Variants in RSBN1L observed in about 807,000 individuals in gnomAD.
RSBN1L encodes lysine-specific demethylase RSBN1L.
Under a neutral mutation model 67.7 loss-of-function variants are expected in RSBN1L, and 30 were observed. The observed-to-expected ratio is 0.44, with a 90% confidence interval of 0.33 to 0.60. The LOEUF (loss-of-function observed/expected upper bound fraction) is 0.60. Among genes scored for constraint, RSBN1L ranks in the 20% least tolerant of loss-of-function variants. The pLI is 0.02. For synonymous variants in RSBN1L, 433 were observed against 387.0 expected (o/e 1.12, Z -1.39); for missense variants, 992 against 1,031.7 (o/e 0.96, Z 0.53).
intron 6 of RSBN1L, among the ~76,000 whole-genome samples, chr7:77,774,754 A>C (rs1260561837): frequency 6.6e-6 from 1 of 152,190 alleles, no homozygotes; most frequent in African/African-American, 2.4e-5. Context: ...CAACAACAAC[A>C]AAAAAAGATA....
At chr7:77,757,548 A>G (rs1339391450) in intron 3 of RSBN1L, among the ~76,000 whole-genome samples, 4 of 152,240 alleles carry the variant, frequency 2.6e-5, no homozygotes. Flanking sequence ...AAATGTATAA[A>G]CAAAAGCCTC....
chr7:77,724,460 C>T (rs1483081075), intron 1 of RSBN1L, among the ~76,000 whole-genome samples: 7 of 144,820 alleles, frequency 4.8e-5, no homozygotes, highest in Admixed American at 7.0e-5. Context: ...GAGTCTCACT[C>T]TGTTGTCCAG....
chr7:77,773,339 A>G (rs764656082), intron 6 of RSBN1L, 25 bp downstream of exon 6: 6 of 1,401,106 alleles, frequency 4.3e-6, no homozygotes, highest in Non-Finnish European at 5.7e-6. Context: ...CGCTATTTTA[A>G]TGAAAGAATT....
rs1315059945 is a variant in RSBN1L at position 77,696,814 on chromosome 7, A to C, written c.345A>C (p.Ser115=). 7 of 1,613,422 alleles carry C rather than the reference A, an allele frequency of 4.3e-6. No individual in the cohort carries two copies. The African/African-American group carries it at 9.3e-5, about 22-fold the overall frequency. ...CCGCTGGCACGGCCGTTCCCTCCTC[A>C]GCCTCCGCTTCCTTGTCTCAGCCGG... ...SFSAGTAVPS[S]ASASLSQPVP... is the part of the protein sequence containing the mutation. The change falls in exon 1 of 8, where the codon TCA becomes TCC. Residue 115 remains serine, a synonymous_variant. Coordinates refer to ENST00000334955, the MANE Select transcript of RSBN1L (RefSeq NM_198467.3).
Position 77,749,924 on chromosome 7 carries a change from G to T in RSBN1L, c.1204G>T (p.Gly402Cys). Residue 402 changes from glycine (G) to cysteine (C), a missense_variant, in exon 3 of 8, where the codon GGT (glycine) becomes TGT (cysteine). Gly to Cys is a radical substitution (Grantham distance 159). Coordinates refer to ENST00000334955, the MANE Select transcript of RSBN1L (RefSeq NM_198467.3). ...AAACTCTGCAGCTTTCTACGTGATGGGTATTGTTCATGGGGCAGCTACTTA... is the reference window on the plus strand; with the variant it reads ...AAACTCTGCAGCTTTCTACGTGATGTGTATTGTTCATGGGGCAGCTACTTA... ...NENSAAFYVM[G>C]IVHGAATYLP... is the part of the protein sequence containing the mutation. 6.2e-7 allele frequency: 1 copy of T among 1,614,076 alleles called. No homozygotes were observed. Among genetic ancestry groups the T allele is most frequent in the South Asian group, 1.1e-5 (1 of 91,058 alleles).
At position 77,773,262 on chromosome 7, in the gene RSBN1L, C is replaced by T. The variant is rs1584305650; in HGVS notation, c.1741C>T (p.Arg581Ter). Reference sequence around the variant, plus strand: ...AGATCATATAGGACAAGGTTTTGAACGACAGACTACAGCTGCTGTTGGAGT... The same window carrying T: ...AGATCATATAGGACAAGGTTTTGAATGACAGACTACAGCTGCTGTTGGAGT... ...HADHIGQGFE[R>*]QTTAAVGVLK... is the part of the protein sequence containing the mutation. Residue 581 changes from arginine (R) to a stop codon, truncating the protein, a stop_gained, in exon 6 of 8, where the codon CGA becomes TGA. Transcript: ENST00000334955. LOFTEE classifies it high-confidence loss of function. 3.7e-6 allele frequency: 6 copies of T among 1,611,516 alleles called. No homozygotes were observed. The highest frequency in any genetic ancestry group is 4.2e-6 in the Non-Finnish European group (5 of 1,178,756).
intron 1 of RSBN1L, among the ~76,000 whole-genome samples, chr7:77,714,265 G>C (rs1047709138): frequency 6.6e-6 from 1 of 152,062 alleles, no homozygotes; most frequent in Admixed American, 6.6e-5. Context: ...CCCTTTTTAG[G>C]TATATAGTTT....
chr7:77,698,417 C>G (rs1479293154), intron 1 of RSBN1L, among the ~76,000 whole-genome samples: 1 of 152,174 alleles, frequency 6.6e-6, no homozygotes, highest in African/African-American at 2.4e-5. Flanking sequence ...GAAGTTTGTC[C>G]ATATGCAGCT....
intron 1 of RSBN1L, among the ~76,000 whole-genome samples, chr7:77,699,458 T>C (rs1009832550): frequency 9.2e-5 from 14 of 152,232 alleles, no homozygotes; most frequent in African/African-American, 3.4e-4. Context: ...AGAACGTATT[T>C]GGGTTAAATG....
At chr7:77,764,121 TA>T (rs1334398414) in intron 3 of RSBN1L, among the ~76,000 whole-genome samples, 2 of 152,212 alleles carry the variant, frequency 1.3e-5, no homozygotes, top group African/African-American at 4.8e-5. Flanking sequence ...TGTGATGTGA[TA>T]AAAGTTGACC....
At chr7:77,729,463 GT>G (rs1791247317) in intron 1 of RSBN1L, among the ~76,000 whole-genome samples, 1 of 152,198 alleles carries the variant, frequency 6.6e-6, no homozygotes, top group Admixed American at 6.5e-5. Context: ...CAAAGTGGTA[GT>G]TACAATAAGA....
At chr7:77,743,118 T>A (rs1015863464) in intron 2 of RSBN1L, among the ~76,000 whole-genome samples, 1 of 152,068 alleles carries the variant, frequency 6.6e-6, no homozygotes, top group Non-Finnish European at 1.5e-5. Flanking sequence ...AGTGGTGTGA[T>A]CACAGGCCAC....
chr7:77,747,456 A>AT (rs1052429304), intron 2 of RSBN1L, among the ~76,000 whole-genome samples: 4 of 152,052 alleles, frequency 2.6e-5, no homozygotes, highest in Non-Finnish European at 4.4e-5. Flanking sequence ...CAGCCTCAGG[A>AT]TACTGCTCCC....
chr7:77,774,125 T>C (rs1791881288), intron 6 of RSBN1L, among the ~76,000 whole-genome samples: 1 of 152,250 alleles, frequency 6.6e-6, no homozygotes, highest in Non-Finnish European at 1.5e-5. Context: ...CTTTGTTATG[T>C]ATTTGCTTTT....
chr7:77,716,054 A>C (rs1791044234), intron 1 of RSBN1L, among the ~76,000 whole-genome samples: 2 of 152,092 alleles, frequency 1.3e-5, no homozygotes, highest in African/African-American at 4.8e-5. Context: ...TCTTTCTCTT[A>C]ATACTTTCAC....
intron 1 of RSBN1L, chr7:77,697,390 G>A (rs978340077): frequency 4.1e-6 from 1 of 245,472 alleles, no homozygotes; most frequent in Admixed American, 5.6e-5. Context: ...ACGGGATGGG[G>A]GAAGGGTTTG....
chr7:77,723,062 G>A (rs1478636101), intron 1 of RSBN1L, among the ~76,000 whole-genome samples: 6 of 151,174 alleles, frequency 4.0e-5, no homozygotes. Flanking sequence ...CCGCCTCCTG[G>A]TTCAATCGGT....
chr7:77,779,284 G>A lies in RSBN1L; in HGVS notation c.*116G>A. On this transcript the variant is annotated 3_prime_UTR_variant, in exon 8 of 8. Coordinates refer to ENST00000334955, the MANE Select transcript of RSBN1L (RefSeq NM_198467.3). ...ATGTCTGTTACAAAACATAGTTTAT[G>A]TAGCTTTGTAACATTCCTCAGTGCC... is the stretch of plus-strand genomic sequence containing the variant. 1 of 746,562 alleles carries A rather than the reference G, an allele frequency of 1.3e-6. No individual in the cohort carries two copies. The highest frequency in any genetic ancestry group is 2.7e-5 in the East Asian group (1 of 36,848). The allele number at this position is 746,562 out of a possible 1,614,324, so 46.2% of individuals were successfully genotyped here.
intron 1 of RSBN1L, among the ~76,000 whole-genome samples, chr7:77,722,221 G>A (rs1218690979): frequency 1.3e-5 from 2 of 152,168 alleles, no homozygotes; most frequent in Non-Finnish European, 2.9e-5. Flanking sequence ...GAGTTTGGCA[G>A]AGGGGTTGGG....
Sources: allele counts gnomAD v4.1 joint callset (sites outside exome capture counted in the v4.1 genomes callset), GRCh38; gene constraint gnomAD v4.1.1; transcripts MANE v1.5; gene names NCBI Gene and HGNC (gene_info 2026-07-23, HGNC 2026-07-21).